GRIP1: variants seen among roughly 807,000 people sequenced by gnomAD.
GRIP1 encodes the protein glutamate receptor interacting protein 1, also known as glutamate receptor-interacting protein 1.
A neutral mutation model predicts 129.9 loss-of-function variants in GRIP1; 45 were observed. The observed-to-expected ratio is 0.35, with a 90% CI of 0.27 to 0.44. GRIP1 has a LOEUF of 0.44. GRIP1 is among the 20% of genes least tolerant of loss of function. The pLI, the probability that GRIP1 is intolerant of heterozygous loss-of-function variation, is 1.00. For synonymous variants in GRIP1, 530 were observed against 520.8 expected (o/e 1.02, Z -0.24); for missense variants, 1,196 against 1,396.8 (o/e 0.86, Z 2.29).
intron 2 of GRIP1, among the ~76,000 whole-genome samples, chr12:66,571,640 C>T (rs1405533928): frequency 6.6e-6 from 1 of 152,132 alleles, no homozygotes; most frequent in Non-Finnish European, 1.5e-5. Flanking sequence ...GAATATCTCA[C>T]AAAGCCCAGG....
At chr12:67,062,793 G>C (rs1196062399) in intron 1 of GRIP1, among the ~76,000 whole-genome samples, 1 of 152,102 alleles carries the variant, frequency 6.6e-6, no homozygotes. Context: ...TAGATTCTTT[G>C]TTTTCATGAG....
At chr12:66,850,345 A>G (rs372552065) in intron 1 of GRIP1, among the ~76,000 whole-genome samples, 1 of 152,102 alleles carries the variant, frequency 6.6e-6, no homozygotes, top group Non-Finnish European at 1.5e-5. Context: ...TGGGTACATC[A>G]TTTTCAAGAT....
At chr12:66,463,983 A>C (rs1430002727) in intron 8 of GRIP1, among the ~76,000 whole-genome samples, 1 of 152,186 alleles carries the variant, frequency 6.6e-6, no homozygotes, top group African/African-American at 2.4e-5. Flanking sequence ...ATGTTGGGTA[A>C]GACCACAATG....
intron 1 of GRIP1, among the ~76,000 whole-genome samples, chr12:67,031,318 T>C (rs1350873131): frequency 2.0e-5 from 3 of 152,214 alleles, no homozygotes; most frequent in Non-Finnish European, 4.4e-5. Flanking sequence ...GATGCTAAAC[T>C]ACACAAAATC....
chr12:66,783,739 T>TA (rs900023466), intron 1 of GRIP1, among the ~76,000 whole-genome samples: 124 of 152,162 alleles, frequency 8.1e-4, no homozygotes, highest in Middle Eastern at 6.8e-3. Flanking sequence ...CTTAAAGTGC[T>TA]AAAAAAATAC....
At chr12:66,698,177 CA>C (rs1682377926) in intron 1 of GRIP1, among the ~76,000 whole-genome samples, 1 of 152,136 alleles carries the variant, frequency 6.6e-6, no homozygotes, top group African/African-American at 2.4e-5. Context: ...AGATTTGTCT[CA>C]AAATTCTTCT....
rs532121467 is a variant in GRIP1 at position 66,472,209 on chromosome 12, C to T, written c.725-6787G>A. Among the ~76,000 whole-genome samples the T allele has an allele frequency of 2.6e-5, 4 of 152,286 alleles. No homozygotes were observed. The South Asian group carries it at 6.2e-4, about 24-fold the overall frequency. On this transcript the variant is annotated intron_variant, in intron 7 of 24. Transcript: ENST00000359742. ...TGGACTTTCTAAGTTGTCATCCATT[C>T]AACAACATGAACTTAAAAACTATAT... is the stretch of plus-strand genomic sequence containing the variant.
chr12:67,017,020 G>A (rs1393672464), intron 1 of GRIP1, among the ~76,000 whole-genome samples: 1 of 152,128 alleles, frequency 6.6e-6, no homozygotes, highest in Non-Finnish European at 1.5e-5. Flanking sequence ...TCTCTTCTCC[G>A]ATTCATAATT....
chr12:66,418,942 G>A (rs1002414112), intron 15 of GRIP1, among the ~76,000 whole-genome samples: 3 of 152,090 alleles, frequency 2.0e-5, no homozygotes, highest in Admixed American at 2.0e-4. Context: ...CACTGCTTGG[G>A]TATATACCCA....
chr12:66,375,065 A>G (rs1488199088), intron 22 of GRIP1, among the ~76,000 whole-genome samples: 2 of 152,166 alleles, frequency 1.3e-5, no homozygotes, highest in African/African-American at 4.8e-5. Context: ...TTCTTCTTAT[A>G]TTATGCTAAA....
chr12:66,897,569 A>G (rs1014172724), intron 1 of GRIP1, among the ~76,000 whole-genome samples: 2 of 152,214 alleles, frequency 1.3e-5, no homozygotes, highest in Non-Finnish European at 2.9e-5. Flanking sequence ...CTACAAATGC[A>G]TGGGAGGCAG....
chr12:66,638,155 T>C (rs917084745), intron 1 of GRIP1, among the ~76,000 whole-genome samples: 5 of 152,218 alleles, frequency 3.3e-5, no homozygotes, highest in Non-Finnish European at 5.9e-5. Context: ...ATTTTTGTTA[T>C]GGCTTGGGGT....
At chr12:66,863,462 A>G (rs1053956446) in intron 1 of GRIP1, among the ~76,000 whole-genome samples, 2 of 152,166 alleles carry the variant, frequency 1.3e-5, no homozygotes, top group Non-Finnish European at 2.9e-5. Flanking sequence ...GTGTTTAGTC[A>G]TCAGAGAAAG....
rs574011272 is a variant in GRIP1 at position 66,792,567 on chromosome 12, T to C, written c.-420+11486A>G. On this transcript the variant is annotated intron_variant, in intron 1 of 4. Coordinates refer to the GRIP1 transcript ENST00000538373. ...AAAATAAAATAATTTAAAAAGTAAA[T>C]TTTTCATAGAGGCAGAGTCTCCTTA... 1.1e-4 allele frequency among the ~76,000 whole-genome samples: 17 copies of C among 152,212 alleles called. No homozygotes were observed. In the South Asian group the frequency reaches 3.5e-3, roughly 32 times the overall value.
chr12:66,555,805 TAGG>T (rs1384013816), intron 2 of GRIP1, among the ~76,000 whole-genome samples: 1 of 151,856 alleles, frequency 6.6e-6, no homozygotes, highest in Non-Finnish European at 1.5e-5. Flanking sequence ...AGTCTGTTAA[TAGG>T]AGAAGTGATC....
At chr12:66,430,176 CAT>C (rs2058106363) in intron 14 of GRIP1, among the ~76,000 whole-genome samples, 1 of 152,180 alleles carries the variant, frequency 6.6e-6, no homozygotes, top group African/African-American at 2.4e-5. Context: ...TTTACTAACT[CAT>C]AACAATGAAA....
At chr12:66,957,505 C>A (rs915766673) in intron 1 of GRIP1, among the ~76,000 whole-genome samples, 3 of 151,706 alleles carry the variant, frequency 2.0e-5, no homozygotes, top group African/African-American at 7.3e-5. Flanking sequence ...TCTCCTTATG[C>A]GACTCTTGGC....
At chr12:66,626,837 T>A (rs7977081) in intron 1 of GRIP1, 103,653 of 152,478 alleles carry the variant, frequency 0.68, 36,450 homozygotes, top group African/African-American at 0.84. Context: ...AAGAAAGGGC[T>A]CTGAGTCAGG....
chr12:66,417,284 A>C (rs996675725), intron 15 of GRIP1, among the ~76,000 whole-genome samples: 1 of 152,154 alleles, frequency 6.6e-6, no homozygotes, highest in African/African-American at 2.4e-5. Flanking sequence ...TATAGAAGAA[A>C]TATACCTCAA....
Sources: gnomAD v4.1 joint callset for allele counts (sites outside exome capture counted in the v4.1 genomes callset) on GRCh38, gnomAD v4.1.1 for gene constraint, MANE v1.5 for transcripts, NCBI Gene and HGNC (gene_info 2026-07-23, HGNC 2026-07-21) for gene names.